The following SPATS2 variants were observed in gnomAD, a reference collection of about 807,000 sequenced individuals.
SPATS2 encodes spermatogenesis-associated serine-rich protein 2.
In SPATS2, 38 loss-of-function variants were observed where a neutral mutation model predicts 63.7. The ratio of observed to expected loss-of-function variants is 0.60; its 90% CI spans 0.46 to 0.78. SPATS2 has a LOEUF of 0.78. Among genes scored for constraint, SPATS2 ranks in the 30% least tolerant of loss-of-function variants. SPATS2 has a pLI of 0.00. For synonymous variants in SPATS2, 207 were observed against 232.9 expected (o/e 0.89, Z 1.01); for missense variants, 588 against 666.2 (o/e 0.88, Z 1.29).
intron 3 of SPATS2, among the ~76,000 whole-genome samples, chr12:49,465,581 C>G (rs1251280012): frequency 1.3e-5 from 2 of 152,106 alleles, no homozygotes; most frequent in African/African-American, 4.8e-5. Context: ...TTTGTATATT[C>G]TGAATACAAG....
intron 3 of SPATS2, among the ~76,000 whole-genome samples, chr12:49,476,669 C>T (rs188108686): frequency 6.6e-6 from 1 of 152,296 alleles, no homozygotes; most frequent in African/African-American, 2.4e-5. Flanking sequence ...AGAAGCGAGC[C>T]ACACCCCCAC....
chr12:49,467,887 C>T (rs1565737033), intron 3 of SPATS2, among the ~76,000 whole-genome samples: 1 of 151,698 alleles, frequency 6.6e-6, no homozygotes, highest in Non-Finnish European at 1.5e-5. Flanking sequence ...GCACCTGCCA[C>T]CACGCCCGGC....
chr12:49,472,694 C>A (rs1946056793), intron 3 of SPATS2, among the ~76,000 whole-genome samples: 1 of 149,180 alleles, frequency 6.7e-6, no homozygotes, highest in South Asian at 2.1e-4. Context: ...CAAATTGAAA[C>A]CCTAATGAAA....
chr12:49,474,857 A>AT (rs1244479569), intron 3 of SPATS2, among the ~76,000 whole-genome samples: 6 of 152,212 alleles, frequency 3.9e-5, no homozygotes, highest in African/African-American at 1.4e-4. Context: ...GGTTTATTGG[A>AT]TTTACAGTTC....
intron 2 of SPATS2, among the ~76,000 whole-genome samples, chr12:49,375,520 C>T (rs954399354): frequency 1.3e-5 from 2 of 152,170 alleles, no homozygotes; most frequent in African/African-American, 4.8e-5. Flanking sequence ...GCTGGCTCTT[C>T]CTGGCCTACT....
intron 2 of SPATS2, among the ~76,000 whole-genome samples, chr12:49,374,985 A>G (rs1013119850): frequency 1.7e-4 from 26 of 148,712 alleles, no homozygotes; most frequent in African/African-American, 5.9e-4. Context: ...AAAAAAAAAA[A>G]GGCATAGGTT....
At chr12:49,400,748 A>G (rs1944591420) in intron 2 of SPATS2, among the ~76,000 whole-genome samples, 2 of 152,208 alleles carry the variant, frequency 1.3e-5, no homozygotes, top group Non-Finnish European at 2.9e-5. Flanking sequence ...AAATGTACCA[A>G]ATAGAGGAGT....
At chr12:49,376,092 ATTTTTTTTTTTT>A (rs749954777) in intron 2 of SPATS2, among the ~76,000 whole-genome samples, 18 of 81,080 alleles carry the variant, frequency 2.2e-4, no homozygotes, top group African/African-American at 9.1e-4. Context: ...ACCTGGCCTG[ATTTTTTTTTTTT>A]TTTTTTTTTT....
At chr12:49,439,201 G>A (rs1274077872) in intron 2 of SPATS2, among the ~76,000 whole-genome samples, 2 of 152,156 alleles carry the variant, frequency 1.3e-5, no homozygotes, top group South Asian at 2.1e-4. Flanking sequence ...TAGGTGCTTG[G>A]CTTGCTTGAG....
chr12:49,492,347 G>A (rs1444924898), intron 6 of SPATS2, among the ~76,000 whole-genome samples: 2 of 148,874 alleles, frequency 1.3e-5, no homozygotes, highest in South Asian at 2.1e-4. Context: ...AGCCTCCTAC[G>A]TAGGGCGGGA....
intron 9 of SPATS2, among the ~76,000 whole-genome samples, chr12:49,509,398 A>C (rs1402737116): frequency 6.8e-6 from 1 of 146,608 alleles, no homozygotes; most frequent in Non-Finnish European, 1.5e-5. Flanking sequence ...CTCCTGCCTG[A>C]GTCTCCCATG....
chr12:49,516,202 T>TAAAA lies in SPATS2; in HGVS notation c.898+1590_898+1591insAAAA, dbSNP rs1565761003. On this transcript the variant is annotated intron_variant, in intron 10 of 13. Transcript: ENST00000552918. ...ATATATATATATATATATATATATA[T>TAAAA]ATATATAAATCAGGCATGGGGTCAT... 2.5e-3 allele frequency among the ~76,000 whole-genome samples: 149 copies of TAAAA among 60,284 alleles called. 9 individuals carry two copies. Among genetic ancestry groups the TAAAA allele is most frequent in the African/African-American group, 9.1e-3 (146 of 16,088 alleles). 39.5% of individuals were successfully genotyped at this position (60,284 alleles called of 152,430 possible). A position where few individuals can be genotyped will look rare whatever the true frequency, so the allele number is the denominator to read the frequency against.
intron 3 of SPATS2, among the ~76,000 whole-genome samples, chr12:49,474,145 C>T (rs1271217500): frequency 1.3e-5 from 2 of 152,278 alleles, no homozygotes; most frequent in Non-Finnish European, 2.9e-5. Context: ...TTTAAAAGGA[C>T]ATTTCATTTG....
chr12:49,384,593 CAG>C (rs1592345919), intron 2 of SPATS2, among the ~76,000 whole-genome samples: 1 of 152,132 alleles, frequency 6.6e-6, no homozygotes, highest in African/African-American at 2.4e-5. Flanking sequence ...TTTTTGATAA[CAG>C]TGAGATCATA....
intron 1 of SPATS2, among the ~76,000 whole-genome samples, chr12:49,368,233 G>A (rs1943937507): frequency 6.6e-6 from 1 of 152,190 alleles, no homozygotes; most frequent in African/African-American, 2.4e-5. Flanking sequence ...TCTTTCTCAA[G>A]CTTGTCCCTC....
chr12:49,396,405 C>A (rs1032643566), intron 2 of SPATS2, among the ~76,000 whole-genome samples: 2 of 152,132 alleles, frequency 1.3e-5, no homozygotes, highest in African/African-American at 4.8e-5. Flanking sequence ...CTGATTTCCT[C>A]GTGGGAGGTT....
chr12:49,368,518 T>G (rs139141914), intron 1 of SPATS2, among the ~76,000 whole-genome samples: 19 of 152,360 alleles, frequency 1.2e-4, no homozygotes, highest in Non-Finnish European at 2.8e-4. Flanking sequence ...TTAAGTTACC[T>G]GTACTTTGTT....
chr12:49,477,365 C>G (rs2137791924), intron 3 of SPATS2, among the ~76,000 whole-genome samples: 1 of 152,250 alleles, frequency 6.6e-6, no homozygotes, highest in South Asian at 2.1e-4. Context: ...TGAAATGGCA[C>G]TCAAAGGAGC....
intron 2 of SPATS2, among the ~76,000 whole-genome samples, chr12:49,436,796 C>T (rs1945307827): frequency 6.9e-6 from 1 of 145,396 alleles, no homozygotes; most frequent in Non-Finnish European, 1.5e-5. Context: ...CCTCACTTCC[C>T]AGTAGGGGCG....
Sources: allele counts gnomAD v4.1 joint callset (sites outside exome capture counted in the v4.1 genomes callset), GRCh38; gene constraint gnomAD v4.1.1; transcripts MANE v1.5; gene names NCBI Gene and HGNC (gene_info 2026-07-23, HGNC 2026-07-21).